The following ZNF276 variants were observed in gnomAD, a reference collection of about 807,000 sequenced individuals.
ZNF276 encodes the protein centromere protein Z.
ZNF276 carries 59 observed loss-of-function variants against 63.9 expected under a neutral mutation model. The ratio of observed to expected loss-of-function variants is 0.92; its 90% confidence interval spans 0.75 to 1.15. The LOEUF is 1.15. Among genes scored for constraint, ZNF276 ranks in the 50% most tolerant of loss-of-function variants. The pLI is 0.00. For synonymous variants in ZNF276, 496 were observed against 348.4 expected (o/e 1.42, Z -4.72); for missense variants, 1,084 against 843.8 (o/e 1.28, Z -3.53).
At position 89,739,057 on chromosome 16, in the gene ZNF276, C is replaced by T; in HGVS notation, c.*811C>T. ...TGTCCCCCATAGTCTGCATGCTGTG[C>T]CGGAACATTCTTTGGCAGAAGGAGC... On this transcript the variant is annotated 3_prime_UTR_variant, in exon 11 of 11. Coordinates refer to ENST00000443381, the MANE Select transcript of ZNF276 (RefSeq NM_001113525.2). 6.2e-7 allele frequency: 1 copy of T among 1,613,916 alleles called. No individual in the cohort carries two copies. The highest frequency in any genetic ancestry group is 8.5e-7 in the Non-Finnish European group (1 of 1,179,868).
At chr16:89,721,437 G>T (rs893927422), upstream of ZNF276, 7 of 449,580 alleles carry the variant, frequency 1.6e-5, no homozygotes, top group Non-Finnish European at 1.5e-5. Flanking sequence ...ACGAGCGGGG[G>T]CGCTGGCACC....
At position 89,723,649 on chromosome 16, in the gene ZNF276, G is replaced by A. The variant is rs573472873; in HGVS notation, c.946G>A (p.Ala316Thr). 8.9e-5 allele frequency: 143 copies of A among 1,612,602 alleles called. No homozygotes were observed. The highest frequency in any genetic ancestry group is 5.5e-4 in the South Asian group (50 of 91,082). ...DVAQPPSDSDAVGPRSGFPPQ... is the reference protein window; with the variant it reads ...DVAQPPSDSDTVGPRSGFPPQ... ...GGCCCAGCCTCCTTCGGACAGCGAC[G>A]CGGTGGGGCCCAGGTCGGGCTTCCC... The change falls in exon 4 of 11, where the codon GCG (alanine) becomes ACG (threonine). Residue 316 changes from alanine (A) to threonine (T), a missense_variant. Ala to Thr is a moderately conservative substitution (Grantham distance 58, BLOSUM62 0). Transcript: ENST00000443381.
chr16:89,733,466 A>T lies in ZNF276; in HGVS notation c.1281-16A>T. The T allele has an allele frequency of 6.2e-7, 1 of 1,614,158 alleles. No individual in the cohort carries two copies. Among genetic ancestry groups the T allele is most frequent in the Non-Finnish European group, 8.5e-7 (1 of 1,180,030 alleles). The stretch of plus-strand genomic sequence containing the variant: ...GCCTGTCGGGGCCGGGGCTCCATGC[A>T]TGCTCTTCATTGCAGGGAGGAGCTT... On this transcript the variant is annotated splice_polypyrimidine_tract_variant and intron_variant, in intron 7 of 10. Transcript: ENST00000443381.
chr16:89,725,729 T>C (rs1238521545), intron 4 of ZNF276, among the ~76,000 whole-genome samples: 1 of 152,048 alleles, frequency 6.6e-6, no homozygotes, highest in Non-Finnish European at 1.5e-5. Context: ...AGGCGGAGAT[T>C]GCAGTGAGCT....
Position 89,740,269 on chromosome 16 carries a change from G to T in ZNF276, c.*2023G>T, listed in dbSNP as rs1470008048. On this transcript the variant is annotated 3_prime_UTR_variant, in exon 11 of 11. Coordinates refer to ENST00000443381, the MANE Select transcript of ZNF276 (RefSeq NM_001113525.2). The stretch of plus-strand genomic sequence containing the variant: ...TAATACTGGGCCTCTGGACAGAAGA[G>T]GCTCAGGTAGGAGGCCAGGGACTTC... The T allele has an allele frequency of 1.5e-5, 10 of 659,386 alleles. No homozygotes were observed. Among genetic ancestry groups the T allele is most frequent in the Non-Finnish European group, 2.7e-5 (10 of 365,264 alleles). The allele number at this position is 659,386 out of a possible 1,614,324, so 40.8% of individuals were successfully genotyped here.
At chr16:89,729,077 C>T (rs7204478) in intron 5 of ZNF276, among the ~76,000 whole-genome samples, 158 bp from the exon 6 acceptor site, 80,080 of 151,938 alleles carry the variant, frequency 0.53, 21,718 homozygotes, top group East Asian at 0.75. Context: ...TGTTCGGAAA[C>T]GGGATTGGAA....
Position 89,723,249 on chromosome 16 carries a change from ACT to A in ZNF276, c.557-6_557-5del, listed in dbSNP as rs759273851. 4.8e-5 allele frequency: 77 copies of A among 1,612,636 alleles called. No individual in the cohort carries two copies. Among genetic ancestry groups the A allele is most frequent in the Non-Finnish European group, 6.4e-5 (76 of 1,179,908 alleles). On this transcript the variant is annotated splice_polypyrimidine_tract_variant and intron_variant, in intron 3 of 10. Coordinates refer to ENST00000443381, the MANE Select transcript of ZNF276 (RefSeq NM_001113525.2). ...AGCCGTGGATCTGACATCTCTGTTG[ACT>A]CTCTGCAGTGGATCTGATCACATCC...
chr16:89,733,904 C>A lies in ZNF276; in HGVS notation c.1357-17C>A. On this transcript the variant is annotated splice_polypyrimidine_tract_variant and intron_variant, in intron 8 of 10. Transcript: ENST00000443381. ...CGGGTGCGGCTCTGAGGGTCTCTCA[C>A]CGAGTCTCTCCTTCAGAAGCACATC... is the stretch of plus-strand genomic sequence containing the variant. 2 of 1,611,742 alleles carry A rather than the reference C, an allele frequency of 1.2e-6. No individual in the cohort carries two copies. Among genetic ancestry groups the A allele is most frequent in the Non-Finnish European group, 1.7e-6 (2 of 1,178,404 alleles).
At chr16:89,723,216 T>C in intron 3 of ZNF276, 33 bp downstream of exon 3, 1 of 1,612,932 alleles carries the variant, frequency 6.2e-7, no homozygotes. Flanking sequence ...GTGGGCTGGG[T>C]GCCGACCAGC....
rs765971755 is a variant in ZNF276, at chr16:89,739,865, C to T, written c.*1619C>T. Reference sequence around the variant, plus strand: ...TTAAACAAGTTTGTGCTTAATCTGTCCCAACTAAAATGGAGCTTATAAACT... The same window carrying T: ...TTAAACAAGTTTGTGCTTAATCTGTTCCAACTAAAATGGAGCTTATAAACT... On this transcript the variant is annotated 3_prime_UTR_variant, in exon 11 of 11. Transcript: ENST00000443381. 6 of 1,541,124 alleles carry T rather than the reference C, an allele frequency of 3.9e-6. No homozygotes were observed. The highest frequency in any genetic ancestry group is 1.3e-5 in the South Asian group (1 of 79,440).
chr16:89,739,039 CAT>C lies in ZNF276; in HGVS notation c.*795_*796del. 1 of 1,614,034 alleles carries C rather than the reference CAT, an allele frequency of 6.2e-7. No homozygotes were observed. The highest frequency in any genetic ancestry group is 1.1e-5 in the South Asian group (1 of 91,040). Reference sequence around the variant, plus strand: ...ACAGAAACAGGGCTGGTGTGTCCCCCATAGTCTGCATGCTGTGCCGGAACATT... The same window carrying C: ...ACAGAAACAGGGCTGGTGTGTCCCCCAGTCTGCATGCTGTGCCGGAACATT... On this transcript the variant is annotated 3_prime_UTR_variant, in exon 11 of 11. Coordinates refer to ENST00000443381, the MANE Select transcript of ZNF276 (RefSeq NM_001113525.2).
intron 2 of ZNF276, 34 bp from the exon 3 acceptor site, chr16:89,723,103 T>G (rs751198167): frequency 1.4e-5 from 22 of 1,613,040 alleles, no homozygotes; most frequent in Non-Finnish European, 1.9e-5. Context: ...CTCCGCCTGC[T>G]TGTCCTGCTC....
intron 9 of ZNF276, chr16:89,737,453 G>T: frequency 3.6e-6 from 1 of 274,244 alleles, no homozygotes; most frequent in Non-Finnish European, 7.1e-6. Flanking sequence ...CCTGGGAGGC[G>T]CAGGTTGCAG....
Position 89,738,154 on chromosome 16 carries a change from A to G in ZNF276, c.1753A>G (p.Lys585Glu), listed in dbSNP as rs771942409. 19 of 1,613,482 alleles carry G rather than the reference A, an allele frequency of 1.2e-5. No homozygotes were observed. In the Admixed American group the frequency reaches 3.2e-4, roughly 27 times the overall value. Residue 585 changes from lysine to glutamate, a missense_variant, in exon 11 of 11, where the codon AAG becomes GAG. Lys to Glu is a moderately conservative substitution (Grantham distance 56). Transcript: ENST00000443381. ...GCACCCGCTGACACAGACCCAGGAC[A>G]AGGCCCTGCCCCTGGAGGCGGAACC... ...MVHPLTQTQDKALPLEAEPPP... is the reference protein window; with the variant it reads ...MVHPLTQTQDEALPLEAEPPP...
chr16:89,736,138 G>A (rs372083671), intron 9 of ZNF276, among the ~76,000 whole-genome samples: 3 of 152,154 alleles, frequency 2.0e-5, no homozygotes, highest in East Asian at 3.9e-4. Flanking sequence ...TGATCCACCT[G>A]CCTCGGCCTC....
At chr16:89,720,888 G>A, upstream of ZNF276, 2 of 1,333,468 alleles carry the variant, frequency 1.5e-6, no homozygotes, top group Non-Finnish European at 1.9e-6. Flanking sequence ...GGCGGCGGCG[G>A]TAGCCGAGGG....
In ZNF276 at chr16:89,739,622, C is replaced by G. The variant is rs1284056816; in HGVS notation, c.*1376C>G. 2.0e-6 allele frequency: 3 copies of G among 1,531,516 alleles called. No individual in the cohort carries two copies. The highest frequency in any genetic ancestry group is 2.7e-6 in the Non-Finnish European group (3 of 1,129,942). The allele number at this position is 1,531,516 out of a possible 1,614,324, so 94.9% of individuals were successfully genotyped here. ...CCTATTATCAGTGCTGGGGACACCC[C>G]TGGGGGTCGGGACGTGTACCCTGGG... On this transcript the variant is annotated 3_prime_UTR_variant, in exon 11 of 11. Coordinates refer to ENST00000443381, the MANE Select transcript of ZNF276 (RefSeq NM_001113525.2).
chr16:89,720,646 G>A, upstream of ZNF276: 4 of 1,228,634 alleles, frequency 3.3e-6, no homozygotes, highest in East Asian at 3.5e-5. Flanking sequence ...CCGGGATCCC[G>A]GCTGGCGCCC....
At chr16:89,733,096 C>A (rs953934571) in intron 6 of ZNF276, 9 of 595,020 alleles carry the variant, frequency 1.5e-5, no homozygotes, top group Non-Finnish European at 2.7e-5. Flanking sequence ...GTGTCCTGCG[C>A]CCTTGCCCTC....
Sources: allele counts gnomAD v4.1 joint callset (sites outside exome capture counted in the v4.1 genomes callset), GRCh38; gene constraint gnomAD v4.1.1; transcripts MANE v1.5; gene names NCBI Gene and HGNC (gene_info 2026-07-23, HGNC 2026-07-21).